The following TNFSF4 variants were observed in gnomAD, a reference collection of about 807,000 sequenced individuals.
The protein encoded by TNFSF4 is TNF superfamily member 4, also known as tumor necrosis factor ligand superfamily member 4.
Under a neutral mutation model 7.3 loss-of-function variants are expected in TNFSF4, and 4 were observed. The ratio of observed to expected loss-of-function variants is 0.55; its 90% CI spans 0.27 to 1.25. The LOEUF (loss-of-function observed/expected upper bound fraction) is 1.25. Among genes scored for constraint, TNFSF4 ranks in the 50% most tolerant of loss-of-function variants. The probability of loss-of-function intolerance (pLI) is 0.12; values close to 1 mark genes in which losing one functional copy is unlikely to be tolerated. For missense variants in TNFSF4, 181 were observed against 208.8 expected, an observed-to-expected ratio of 0.87 and a Z score of 0.82; for synonymous variants, 76 against 83.7, an observed-to-expected ratio of 0.91 and a Z score of 0.50.
At chr1:173,317,656 A>G in the TNFSF4 span, among the ~76,000 whole-genome samples, 1 of 152,334 alleles carries the variant, frequency 6.6e-6, no homozygotes, top group South Asian at 2.1e-4. Context: ...ACAAAACCAT[A>G]CCAAAAAAGC....
the TNFSF4 span, among the ~76,000 whole-genome samples, chr1:173,385,226 C>T: frequency 6.6e-6 from 1 of 152,166 alleles, no homozygotes; most frequent in Non-Finnish European, 1.5e-5. Context: ...TGAAATTCTA[C>T]CAACTAGTGG....
the TNFSF4 span, among the ~76,000 whole-genome samples, chr1:173,240,056 T>C: frequency 1.3e-3 from 203 of 152,174 alleles, no homozygotes; most frequent in Non-Finnish European, 2.4e-3. Context: ...AAAAAGAGAA[T>C]GGGCTCAGTG....
At chr1:173,384,884 TCTCTA>T in the TNFSF4 span, among the ~76,000 whole-genome samples, 3 of 152,352 alleles carry the variant, frequency 2.0e-5, no homozygotes, top group Admixed American at 6.5e-5. Flanking sequence ...ATTTTTATTA[TCTCTA>T]CTCTGTTGCC....
At chr1:173,380,474 A>G in the TNFSF4 span, among the ~76,000 whole-genome samples, 1 of 152,132 alleles carries the variant, frequency 6.6e-6, no homozygotes, top group African/African-American at 2.4e-5. Context: ...GTAACTTCTG[A>G]GTCACCCGAA....
the TNFSF4 span, among the ~76,000 whole-genome samples, chr1:173,406,588 G>A: frequency 4.0e-5 from 6 of 151,816 alleles, no homozygotes; most frequent in African/African-American, 1.5e-4. Flanking sequence ...AATTCAGGCC[G>A]GATTCATTGC....
At chr1:173,382,583 T>C in the TNFSF4 span, among the ~76,000 whole-genome samples, 1 of 152,202 alleles carries the variant, frequency 6.6e-6, no homozygotes, top group Non-Finnish European at 1.5e-5. Flanking sequence ...TTTTTAAAAA[T>C]ACCATGAAAA....
At chr1:173,421,311 T>A in the TNFSF4 span, among the ~76,000 whole-genome samples, 1 of 152,162 alleles carries the variant, frequency 6.6e-6, no homozygotes, top group East Asian at 1.9e-4. Flanking sequence ...CATCCTAGAT[T>A]CTTATTTGAT....
the TNFSF4 span, among the ~76,000 whole-genome samples, chr1:173,347,667 C>A: frequency 7.3e-5 from 11 of 150,668 alleles, no homozygotes; most frequent in Non-Finnish European, 1.3e-4. Flanking sequence ...TTATCAGGGA[C>A]AGCATCTCTG....
the TNFSF4 span, among the ~76,000 whole-genome samples, chr1:173,349,310 G>C: frequency 6.6e-6 from 1 of 152,108 alleles, no homozygotes; most frequent in Non-Finnish European, 1.5e-5. Context: ...TTACAGGCGT[G>C]AGCCACCACG....
chr1:173,447,170 T>C, the TNFSF4 span, among the ~76,000 whole-genome samples: 2 of 152,336 alleles, frequency 1.3e-5, no homozygotes, highest in South Asian at 4.1e-4. Flanking sequence ...TACTATGCGA[T>C]ATTCTGGAAA....
At chr1:173,193,232 CCA>C (rs1358066711) in intron 1 of TNFSF4, among the ~76,000 whole-genome samples, 1 of 152,144 alleles carries the variant, frequency 6.6e-6, no homozygotes, top group Non-Finnish European at 1.5e-5. Context: ...CAGATCTTCT[CCA>C]CATACTCAAA....
the TNFSF4 span, among the ~76,000 whole-genome samples, chr1:173,299,575 A>C: frequency 6.6e-6 from 1 of 152,070 alleles, no homozygotes; most frequent in South Asian, 2.1e-4. Flanking sequence ...TCTAACTACT[A>C]AATTGCATTG....
chr1:173,341,883 A>G, the TNFSF4 span, among the ~76,000 whole-genome samples: 103 of 152,286 alleles, frequency 6.8e-4, no homozygotes, highest in African/African-American at 2.2e-3. Context: ...CCCCAAGTCC[A>G]GCATCCTGAA....
chr1:173,304,403 T>C, the TNFSF4 span, among the ~76,000 whole-genome samples: 1 of 151,806 alleles, frequency 6.6e-6, no homozygotes, highest in Non-Finnish European at 1.5e-5. Context: ...GGGGGATACA[T>C]AAATGACATA....
At chr1:173,181,918 T>C (rs1649062117), downstream of TNFSF4, among the ~76,000 whole-genome samples, 3 of 152,314 alleles carry the variant, frequency 2.0e-5, no homozygotes, top group South Asian at 2.1e-4. Flanking sequence ...ACCATCCACA[T>C]ACTCCGTAAG....
the TNFSF4 span, among the ~76,000 whole-genome samples, chr1:173,431,285 T>G: frequency 6.6e-6 from 1 of 152,262 alleles, no homozygotes; most frequent in Admixed American, 6.5e-5. Context: ...AGGTTAGGCT[T>G]GAAATTCAAA....
chr1:173,377,100 G>C, the TNFSF4 span, among the ~76,000 whole-genome samples: 39 of 152,310 alleles, frequency 2.6e-4, no homozygotes, highest in African/African-American at 9.1e-4. Flanking sequence ...AACACTCACT[G>C]TGAGCGTCTG....
the TNFSF4 span, among the ~76,000 whole-genome samples, chr1:173,280,490 G>A: frequency 5.3e-5 from 8 of 152,084 alleles, no homozygotes; most frequent in African/African-American, 1.9e-4. Flanking sequence ...AGAACATGAA[G>A]ACAAAACACA....
At chr1:173,235,196 G>T in the TNFSF4 span, among the ~76,000 whole-genome samples, 1 of 152,108 alleles carries the variant, frequency 6.6e-6, no homozygotes, top group Non-Finnish European at 1.5e-5. Context: ...TTTGATGCAG[G>T]ATTTTTTGCT....
Sources: allele counts gnomAD v4.1 joint callset (sites outside exome capture counted in the v4.1 genomes callset), GRCh38; gene constraint gnomAD v4.1.1; transcripts MANE v1.5; gene names NCBI Gene and HGNC (gene_info 2026-07-23, HGNC 2026-07-21).